The following CRLS1 variants were observed in gnomAD, a reference collection of about 807,000 sequenced individuals.
The protein encoded by CRLS1 is cardiolipin synthase (CMP-forming).
A neutral mutation model predicts 37.0 loss-of-function variants in CRLS1; 24 were observed. The ratio of observed to expected loss-of-function variants is 0.65; its 90% CI spans 0.47 to 0.91. CRLS1 has a LOEUF of 0.91. Ranked by LOEUF, CRLS1 falls within the 40% of genes least tolerant of loss-of-function variation. The pLI is 0.00. For synonymous variants in CRLS1, 135 were observed against 159.7 expected (o/e 0.85, Z 1.17); for missense variants, 373 against 395.8 (o/e 0.94, Z 0.49).
At chr20:6,007,019 A>G (rs1222451643) in intron 1 of CRLS1, among the ~76,000 whole-genome samples, 1 of 152,198 alleles carries the variant, frequency 6.6e-6, no homozygotes, top group Non-Finnish European at 1.5e-5. Flanking sequence ...AGGTAATTAA[A>G]TAATTTAGGT....
chr20:6,011,349 C>T (rs1823802125), intron 2 of CRLS1, among the ~76,000 whole-genome samples: 1 of 152,028 alleles, frequency 6.6e-6, no homozygotes, highest in Non-Finnish European at 1.5e-5. Context: ...AAAATTCCAC[C>T]TTCCTAGTAG....
At chr20:6,023,497 A>G (rs1979432161) in intron 3 of CRLS1, 1 of 152,166 alleles carries the variant, frequency 6.6e-6, no homozygotes, top group Non-Finnish European at 1.5e-5. Context: ...ATAGTCATTC[A>G]TATCCTAGCT....
intron 1 of CRLS1, 24 bp downstream of exon 1, chr20:6,006,576 G>T (rs2090058600): frequency 1.6e-6 from 2 of 1,256,446 alleles, no homozygotes; most frequent in South Asian, 3.0e-5. Flanking sequence ...AGGCGGCGGC[G>T]GGCCGGCCCT....
Position 6,013,535 on chromosome 20 carries a change from G to A in CRLS1, c.445-1826G>A, listed in dbSNP as rs978072424. ...GATGCAGGTAGGTGGGGGATTTGATGATGGGAATATGAGGATGGGCTGACT... is the reference window on the plus strand; with the variant it reads ...GATGCAGGTAGGTGGGGGATTTGATAATGGGAATATGAGGATGGGCTGACT... On this transcript the variant is annotated intron_variant, in intron 2 of 6. Coordinates refer to ENST00000378863, the MANE Select transcript of CRLS1 (RefSeq NM_019095.6). Among the ~76,000 whole-genome samples the A allele has an allele frequency of 3.3e-5, 5 of 152,238 alleles. No individual in the cohort carries two copies. In the South Asian group the frequency reaches 1.0e-3, roughly 32 times the overall value.
chr20:6,012,777 A>T (rs1978429566), intron 2 of CRLS1, among the ~76,000 whole-genome samples: 1 of 152,186 alleles, frequency 6.6e-6, no homozygotes, highest in African/African-American at 2.4e-5. Context: ...AGGCTGAGGT[A>T]ACAGGAATGA....
rs765083673 is a variant in CRLS1, at chr20:6,034,547, G to A, written c.813G>A (p.Gln271=). The part of the protein sequence containing the change: ...VFNYADSIYL[Q]ILWCFTAFTT... ...ACTATGCTGACAGCATTTATCTTCA[G>A]ATACTATGGTAAGCTAAATTTAGAA... Residue 271 remains glutamine, a synonymous_variant, in exon 6 of 7, where the codon CAG becomes CAA. Coordinates refer to ENST00000378863, the MANE Select transcript of CRLS1 (RefSeq NM_019095.6). 6.2e-7 allele frequency: 1 copy of A among 1,607,660 alleles called. No homozygotes were observed. Among genetic ancestry groups the A allele is most frequent in the East Asian group, 2.2e-5 (1 of 44,846 alleles).
chr20:6,024,565 A>G (rs1979528525), intron 3 of CRLS1, among the ~76,000 whole-genome samples: 1 of 152,222 alleles, frequency 6.6e-6, no homozygotes, highest in South Asian at 2.1e-4. Flanking sequence ...AGACCAATTA[A>G]TAACCCTGCA....
At position 6,006,407 on chromosome 20, in the gene CRLS1, C is replaced by T; in HGVS notation, c.161C>T (p.Ala54Val). 1 of 1,409,204 alleles carries T rather than the reference C, an allele frequency of 7.1e-7. No homozygotes were observed. Among genetic ancestry groups the T allele is most frequent in the Non-Finnish European group, 9.3e-7 (1 of 1,080,290 alleles). 87.3% of individuals were successfully genotyped at this position (1,409,204 alleles called of 1,614,324 possible). Residue 54 changes from alanine (A) to valine (V), a missense_variant, in exon 1 of 7, where the codon GCC (alanine) becomes GTC (valine). Ala to Val is a moderately conservative substitution (Grantham distance 64). Coordinates refer to ENST00000378863, the MANE Select transcript of CRLS1 (RefSeq NM_019095.6). ...CLAERWRLRP[A>V]ALGLRLPGIG... is the part of the protein sequence containing the mutation. ...GCCGAACGCTGGAGGCTGCGTCCGGCCGCTCTTGGCTTGCGGCTGCCCGGG... is the reference window on the plus strand; with the variant it reads ...GCCGAACGCTGGAGGCTGCGTCCGGTCGCTCTTGGCTTGCGGCTGCCCGGG...
intron 3 of CRLS1, chr20:6,026,299 TGTG>T (rs1259917459): frequency 6.7e-6 from 1 of 149,240 alleles, no homozygotes; most frequent in Non-Finnish European, 1.5e-5. Flanking sequence ...ATTGTTAGCA[TGTG>T]GTGTGAGTGT....
intron 2 of CRLS1, among the ~76,000 whole-genome samples, chr20:6,014,708 A>G (rs1298273739): frequency 6.6e-6 from 1 of 152,220 alleles, no homozygotes; most frequent in African/African-American, 2.4e-5. Context: ...AAAAGCTCTG[A>G]TAGGTCAAAC....
chr20:6,033,424 C>G (rs532833353), intron 5 of CRLS1, among the ~76,000 whole-genome samples: 16 of 152,328 alleles, frequency 1.1e-4, no homozygotes, highest in African/African-American at 3.8e-4. Flanking sequence ...GCGTGAGCCA[C>G]TGCGCCTGGC....
chr20:6,037,978 T>C lies in CRLS1; in HGVS notation c.*820T>C, dbSNP rs1980692106. ...TATCAAGCTGTATATTTTTCAAAGGTTTTTTAAACTTTGGAGACTCTTTCT... is the reference window on the plus strand; with the variant it reads ...TATCAAGCTGTATATTTTTCAAAGGCTTTTTAAACTTTGGAGACTCTTTCT... On this transcript the variant is annotated 3_prime_UTR_variant, in exon 7 of 7. Coordinates refer to ENST00000378863, the MANE Select transcript of CRLS1 (RefSeq NM_019095.6). 6.6e-6 allele frequency: 1 copy of C among 152,146 alleles called. No homozygotes were observed. Among genetic ancestry groups the C allele is most frequent in the African/African-American group, 2.4e-5 (1 of 41,432 alleles). The allele number at this position is 152,146 out of a possible 1,614,324, so 9.4% of individuals were successfully genotyped here. A position where few individuals can be genotyped will look rare whatever the true frequency, so the allele number is the denominator to read the frequency against.
intron 3 of CRLS1, 32 bp from the exon 4 acceptor site, chr20:6,031,253 C>A: frequency 6.9e-7 from 1 of 1,446,928 alleles, no homozygotes; most frequent in Non-Finnish European, 9.6e-7. Flanking sequence ...CTTCAGAATC[C>A]CAGTTAAAAT....
At chr20:6,010,248 G>A (rs1476412263) in intron 2 of CRLS1, among the ~76,000 whole-genome samples, 1 of 152,146 alleles carries the variant, frequency 6.6e-6, no homozygotes, top group Non-Finnish European at 1.5e-5. Flanking sequence ...GGAGATCTGA[G>A]ATGACTTTTC....
chr20:6,039,615 A>T lies in CRLS1; in HGVS notation c.*2457A>T, dbSNP rs1051332695. The T allele has an allele frequency of 1.3e-5, 2 of 152,154 alleles. No individual in the cohort carries two copies. The highest frequency in any genetic ancestry group is 2.9e-5 in the Non-Finnish European group (2 of 68,036). 9.4% of individuals were successfully genotyped at this position (152,154 alleles called of 1,614,324 possible). A position where few individuals can be genotyped will look rare whatever the true frequency, so the allele number is the denominator to read the frequency against. On this transcript the variant is annotated 3_prime_UTR_variant, in exon 7 of 7. Coordinates refer to ENST00000378863, the MANE Select transcript of CRLS1 (RefSeq NM_019095.6). Reference sequence around the variant, plus strand: ...TTGAATCGCATCTCCCAAGAAAGATACGTTCACGTTCAAACCCCCAGTACT... The same window carrying T: ...TTGAATCGCATCTCCCAAGAAAGATTCGTTCACGTTCAAACCCCCAGTACT...
chr20:6,024,334 C>T (rs1023861400), intron 3 of CRLS1, among the ~76,000 whole-genome samples: 13 of 152,122 alleles, frequency 8.5e-5, no homozygotes, highest in African/African-American at 1.4e-4. Context: ...CTGTGATCAG[C>T]GAACTCTGAT....
chr20:6,013,722 A>G (rs1978518117), intron 2 of CRLS1, among the ~76,000 whole-genome samples: 1 of 152,224 alleles, frequency 6.6e-6, no homozygotes. Context: ...TTGGGTGCCC[A>G]TGGGAGATTT....
At chr20:6,016,474 T>TGTGTGTGTGA (rs11474595) in intron 3 of CRLS1, among the ~76,000 whole-genome samples, 58 of 151,442 alleles carry the variant, frequency 3.8e-4, no homozygotes, top group Middle Eastern at 3.4e-3. Context: ...TGTGTGTGTG[T>TGTGTGTGTGA]GAGTTTTCTT....
intron 2 of CRLS1, among the ~76,000 whole-genome samples, 182 bp downstream of exon 2, chr20:6,010,094 T>TTC (rs398035271): frequency 6.6e-6 from 1 of 151,716 alleles, no homozygotes; most frequent in Non-Finnish European, 1.5e-5. Context: ...TTTTTTTTTT[T>TTC]CATATGATTT....
Sources: gnomAD v4.1 joint callset for allele counts (sites outside exome capture counted in the v4.1 genomes callset) on GRCh38, gnomAD v4.1.1 for gene constraint, MANE v1.5 for transcripts, NCBI Gene and HGNC (gene_info 2026-07-23, HGNC 2026-07-21) for gene names.